The following NOTCH2 variants were observed in gnomAD, a reference collection of about 807,000 sequenced individuals.
NOTCH2 encodes the protein notch receptor 2.
Under a neutral mutation model 235.8 loss-of-function variants are expected in NOTCH2, and 29 were observed. The ratio of observed to expected loss-of-function variants is 0.12; its 90% CI spans 0.09 to 0.17. The LOEUF is 0.17. NOTCH2 is among the 10% of genes least tolerant of loss of function. The pLI is 1.00. For missense variants in NOTCH2, 2,285 were observed against 3,150.2 expected (o/e 0.73, Z 6.57); for synonymous variants, 1,086 against 1,141.5 (o/e 0.95, Z 0.98).
chr1:119,972,937 C>A (rs1651422009), intron 5 of NOTCH2, among the ~76,000 whole-genome samples: 1 of 152,166 alleles, frequency 6.6e-6, no homozygotes, highest in Non-Finnish European at 1.5e-5. Context: ...GGACTCAAAT[C>A]ATGACTCAAA....
Position 120,036,862 on chromosome 1 carries a change from T to A in NOTCH2, c.74-6875A>T, listed in dbSNP as rs587645366. ...AGACTTGATGGAATCTTCCTTAAAA[T>A]TTCCTCTAGGCATTTACCTAAGTTT... On this transcript the variant is annotated intron_variant, in intron 1 of 33. Transcript: ENST00000256646. Among the ~76,000 whole-genome samples, 272 of 152,126 alleles carry A rather than the reference T, an allele frequency of 1.8e-3. 2 individuals carry two copies. The highest frequency in any genetic ancestry group is 0.015 in the Admixed American group (231 of 15,244).
intron 1 of NOTCH2, among the ~76,000 whole-genome samples, chr1:120,043,753 C>A (rs1373574249): frequency 1.4e-5 from 2 of 146,384 alleles, no homozygotes; most frequent in Admixed American, 6.8e-5. Context: ...GCCCTAATGA[C>A]TAACACCCAT....
At chr1:119,927,672 A>G (rs1649519937) in intron 23 of NOTCH2, among the ~76,000 whole-genome samples, 1 of 152,154 alleles carries the variant, frequency 6.6e-6, no homozygotes, top group Non-Finnish European at 1.5e-5. Flanking sequence ...AAAAAGCCTC[A>G]GGGGCAATGA....
At chr1:119,960,643 T>C (rs1650900272) in intron 11 of NOTCH2, among the ~76,000 whole-genome samples, 1 of 151,840 alleles carries the variant, frequency 6.6e-6, no homozygotes, top group Non-Finnish European at 1.5e-5. Context: ...CAGGATAAAA[T>C]GCCATACTTG....
chr1:119,917,715 T>C lies in NOTCH2; in HGVS notation c.5977A>G (p.Thr1993Ala), dbSNP rs779769077. The change falls in exon 33 of 34, where the codon ACT (threonine) becomes GCT (alanine). Residue 1993 changes from threonine (T) to alanine (A), a missense_variant. Around this residue, in one of 6 missense-constraint regions of NOTCH2, gnomAD observed 128 missense variants for 255.9 expected, o/e 0.50. Coordinates refer to ENST00000256646, the MANE Select transcript of NOTCH2 (RefSeq NM_024408.4). ...WAAAVNNVEATLLLLKNGANR... is the reference protein window; with the variant it reads ...WAAAVNNVEAALLLLKNGANR... The stretch of plus-strand genomic sequence containing the variant: ...GCCCCATTTTTCAACAACAAAAGAG[T>C]TGCCTCCACATTATTGACAGCAGCT... 6 of 1,613,724 alleles carry C rather than the reference T, an allele frequency of 3.7e-6. No individual in the cohort carries two copies. In the African/African-American group the frequency reaches 8.0e-5, roughly 22 times the overall value.
chr1:119,962,689 G>A (rs1427416155), intron 11 of NOTCH2, among the ~76,000 whole-genome samples: 1 of 152,174 alleles, frequency 6.6e-6, no homozygotes, highest in African/African-American at 2.4e-5. Context: ...CATCCAGAAT[G>A]AGTTCTCAAT....
chr1:119,938,403 A>G (rs587699828), intron 19 of NOTCH2, among the ~76,000 whole-genome samples: 3 of 152,360 alleles, frequency 2.0e-5, no homozygotes, highest in East Asian at 1.9e-4. Flanking sequence ...AACAAGCTAT[A>G]CATTCATTTA....
At chr1:119,974,470 A>G (rs906237801) in intron 5 of NOTCH2, among the ~76,000 whole-genome samples, 1 of 152,218 alleles carries the variant, frequency 6.6e-6, no homozygotes, top group Non-Finnish European at 1.5e-5. Context: ...ATCTGAAATG[A>G]AATGTCAAAC....
At chr1:120,014,643 A>G (rs1653358052) in intron 2 of NOTCH2, among the ~76,000 whole-genome samples, 1 of 124,516 alleles carries the variant, frequency 8.0e-6, no homozygotes, top group Non-Finnish European at 1.7e-5. Flanking sequence ...AGCAGCCTGG[A>G]TTAGTTTACA....
At position 119,913,766 on chromosome 1, in the gene NOTCH2, G is replaced by A. The variant is rs1648968787; in HGVS notation, c.*1540C>T. 8.6e-6 allele frequency: 2 copies of A among 231,556 alleles called. No individual in the cohort carries two copies. Among genetic ancestry groups the A allele is most frequent in the Non-Finnish European group, 1.7e-5 (2 of 117,768 alleles). 14.3% of individuals were successfully genotyped at this position (231,556 alleles called of 1,614,324 possible). The stretch of plus-strand genomic sequence containing the variant: ...CTAGGAAAGGAAAATGTTCTGTTGA[G>A]TTTCTACGTTAGTTGCCAAAGGGAA... On this transcript the variant is annotated 3_prime_UTR_variant, in exon 34 of 34. Transcript: ENST00000256646.
chr1:119,979,785 A>C (rs1318716252), intron 5 of NOTCH2, among the ~76,000 whole-genome samples: 1 of 151,950 alleles, frequency 6.6e-6, no homozygotes, highest in Admixed American at 6.5e-5. Flanking sequence ...TAATATAAAT[A>C]TTGAAACCCA....
Position 119,941,655 on chromosome 1 carries a change from T to C in NOTCH2, c.2852A>G (p.Asn951Ser), listed in dbSNP as rs782041000. 1 of 1,614,172 alleles carries C rather than the reference T, an allele frequency of 6.2e-7. No homozygotes were observed. Among genetic ancestry groups the C allele is most frequent in the Non-Finnish European group, 8.5e-7 (1 of 1,180,016 alleles). ...CTTACAGGGTTCACTCAGACACTCA[T>C]TCATGTCTGTCTGGCACTTATCCCC... ...FTGDKCQTDM[N>S]ECLSEPCKNG... The change falls in exon 18 of 34, where the codon AAT becomes AGT. Residue 951 changes from asparagine (N) to serine (S), a missense_variant. Asn to Ser is a conservative substitution (Grantham distance 46). Transcript: ENST00000256646.
Position 119,960,956 on chromosome 1 carries a change from G to A in NOTCH2, c.1916-1454C>T, listed in dbSNP as rs142563963. Among the ~76,000 whole-genome samples, 472 of 152,256 alleles carry A rather than the reference G, an allele frequency of 3.1e-3. 2 individuals carry two copies. The highest frequency in any genetic ancestry group is 0.011 in the African/African-American group (448 of 41,540). The stretch of plus-strand genomic sequence containing the variant: ...GTTGAGATTACAGGTATGAGCCACT[G>A]TGCCCATACTCTGCAATAATGTTTA... On this transcript the variant is annotated intron_variant, in intron 11 of 33. Transcript: ENST00000256646.
At chr1:120,003,293 C>T (rs1439740340) in intron 3 of NOTCH2, among the ~76,000 whole-genome samples, 1 of 151,894 alleles carries the variant, frequency 6.6e-6, no homozygotes, top group African/African-American at 2.4e-5. Flanking sequence ...CCTCAGCCTG[C>T]AGACAGCCTA....
In NOTCH2 at chr1:119,913,524, G is replaced by A. The variant is rs989835751; in HGVS notation, c.*1782C>T. On this transcript the variant is annotated 3_prime_UTR_variant, in exon 34 of 34. Transcript: ENST00000256646. Reference sequence around the variant, plus strand: ...GTCATGGGCATCACAGCACTGGACGGAAGTTGCAGTGTAGCCATGGACCAA... The same window carrying A: ...GTCATGGGCATCACAGCACTGGACGAAAGTTGCAGTGTAGCCATGGACCAA... 1 of 233,174 alleles carries A rather than the reference G, an allele frequency of 4.3e-6. No individual in the cohort carries two copies. Among genetic ancestry groups the A allele is most frequent in the African/African-American group, 2.2e-5 (1 of 45,360 alleles). The allele number at this position is 233,174 out of a possible 1,614,324, so 14.4% of individuals were successfully genotyped here. A position where few individuals can be genotyped will look rare whatever the true frequency, so the allele number is the denominator to read the frequency against.
At chr1:119,927,851 A>C (rs1649526808) in intron 23 of NOTCH2, among the ~76,000 whole-genome samples, 1 of 152,214 alleles carries the variant, frequency 6.6e-6, no homozygotes, top group South Asian at 2.1e-4. Flanking sequence ...GAGCTTCCAT[A>C]TTGCAGAATC....
chr1:119,985,842 C>T (rs1553202169), intron 5 of NOTCH2, among the ~76,000 whole-genome samples: 1 of 151,514 alleles, frequency 6.6e-6, no homozygotes, highest in Admixed American at 6.6e-5. Flanking sequence ...AAGTGAAGTT[C>T]TAGGATCAAG....
chr1:119,991,968 T>G (rs141934333), intron 4 of NOTCH2, among the ~76,000 whole-genome samples: 1,730 of 133,054 alleles, frequency 0.013, 291 homozygotes, highest in African/African-American at 0.057. Flanking sequence ...TGAGCCCAGA[T>G]TAACTCACTG....
At chr1:119,951,184 T>C (rs931943571) in intron 14 of NOTCH2, among the ~76,000 whole-genome samples, 1 of 152,186 alleles carries the variant, frequency 6.6e-6, no homozygotes, top group Non-Finnish European at 1.5e-5. Context: ...GGGGTCTCAC[T>C]CTTGTCATTC....
Sources: allele counts gnomAD v4.1 joint callset (sites outside exome capture counted in the v4.1 genomes callset), GRCh38; gene constraint gnomAD v4.1.1; regional missense constraint gnomAD v4.1.1; transcripts MANE v1.5; gene names NCBI Gene and HGNC (gene_info 2026-07-23, HGNC 2026-07-21).